Variants in VPS13C observed in about 807,000 individuals in gnomAD.
VPS13C encodes vacuolar protein sorting 13 homolog C.
A neutral mutation model predicts 456.8 loss-of-function variants in VPS13C; 358 were observed. The observed-to-expected ratio is 0.78, with a 90% CI of 0.72 to 0.86. VPS13C has a LOEUF of 0.86. Among genes scored for constraint, VPS13C ranks in the 40% least tolerant of loss-of-function variants. The pLI is 0.00. For synonymous variants in VPS13C, 1,578 were observed against 1,486.7 expected (o/e 1.06, Z -1.41); for missense variants, 4,818 against 4,385.4 (o/e 1.10, Z -2.79).
chr15:62,002,111 T>C (rs1596459380), intron 15 of VPS13C, among the ~76,000 whole-genome samples: 1 of 152,322 alleles, frequency 6.6e-6, no homozygotes, highest in African/African-American at 2.4e-5. Context: ...TCCACAATGG[T>C]TGAACTAGTT....
Position 61,915,868 on chromosome 15 carries a change from A to G in VPS13C, c.8210T>C (p.Phe2737Ser). The change falls in exon 61 of 85, where the codon TTT becomes TCT. Residue 2737 changes from phenylalanine (F) to serine (S), a missense_variant. By Grantham distance (155) the Phe-to-Ser change is radical. Coordinates refer to ENST00000644861, the MANE Select transcript of VPS13C (RefSeq NM_020821.3). ...FRIRDTLPEF[F>S]PVCFSSDSTE... is the part of the protein sequence containing the mutation. ...GGAGTCAGAAGAAAAACACACAGGA[A>G]AGAATTCTGGTAGTGTATCACGTAT... The G allele has an allele frequency of 1.2e-6, 2 of 1,614,016 alleles. No homozygotes were observed. The highest frequency in any genetic ancestry group is 1.7e-6 in the Non-Finnish European group (2 of 1,180,010).
chr15:62,021,898 A>G (rs1212982337), intron 8 of VPS13C, among the ~76,000 whole-genome samples: 1 of 151,948 alleles, frequency 6.6e-6, no homozygotes, highest in Non-Finnish European at 1.5e-5. Flanking sequence ...AACCACAGCT[A>G]TTATCCAGTG....
At chr15:61,903,167 AAAAAAC>A (rs3055608) in intron 66 of VPS13C, among the ~76,000 whole-genome samples, 1 of 151,994 alleles carries the variant, frequency 6.6e-6, no homozygotes, top group Non-Finnish European at 1.5e-5. Flanking sequence ...CTCTACAGAA[AAAAAAC>A]AAAAACAAAA....
intron 81 of VPS13C, chr15:61,866,589 G>A (rs1315997184): frequency 1.0e-6 from 1 of 984,948 alleles, no homozygotes; most frequent in Admixed American, 6.2e-5. Context: ...ATTTGTGCTT[G>A]ACTCTCCTAG....
At chr15:61,983,528 A>T (rs1342254971) in intron 20 of VPS13C, among the ~76,000 whole-genome samples, 1 of 152,262 alleles carries the variant, frequency 6.6e-6, no homozygotes, top group Non-Finnish European at 1.5e-5. Context: ...TAAACGTGTA[A>T]CAATTTGGAA....
intron 77 of VPS13C, among the ~76,000 whole-genome samples, chr15:61,873,959 T>TACACACACACACACAC (rs67985179): frequency 2.4e-4 from 36 of 149,846 alleles, no homozygotes; most frequent in African/African-American, 7.4e-4. Flanking sequence ...GAAAATGTGA[T>TACACACACACACACAC]ACACACACAC....
intron 16 of VPS13C, among the ~76,000 whole-genome samples, chr15:61,995,923 G>A (rs2046368731): frequency 6.6e-6 from 1 of 152,148 alleles, no homozygotes; most frequent in African/African-American, 2.4e-5. Flanking sequence ...ACATGGCTCT[G>A]CCCTGAGCAA....
chr15:61,936,017 G>T (rs890181764), intron 48 of VPS13C, among the ~76,000 whole-genome samples: 1 of 152,048 alleles, frequency 6.6e-6, no homozygotes. Flanking sequence ...TATGAAAAAA[G>T]AGTGAAATTA....
At chr15:61,973,394 T>C (rs2045612923) in intron 26 of VPS13C, 60 bp downstream of exon 26, 2 of 1,378,540 alleles carry the variant, frequency 1.5e-6, no homozygotes, top group South Asian at 2.5e-5. Context: ...GAAAATGTTA[T>C]CTCTGTATAA....
intron 75 of VPS13C, 77 bp from the exon 76 acceptor site, chr15:61,875,922 A>G: frequency 1.0e-6 from 1 of 977,030 alleles, no homozygotes. Context: ...AAAAAAAGAG[A>G]TTTACTGATA....
chr15:62,021,830 C>T (rs1296775802), intron 8 of VPS13C, among the ~76,000 whole-genome samples: 1 of 151,776 alleles, frequency 6.6e-6, no homozygotes. Context: ...CAGCTCTTTC[C>T]GAAGAAACTC....
intron 37 of VPS13C, among the ~76,000 whole-genome samples, chr15:61,956,712 C>T (rs12910541): frequency 0.52 from 79,511 of 151,884 alleles, 21,169 homozygotes; most frequent in Middle Eastern, 0.7. Context: ...TCACCTTCAC[C>T]AGTAATCAAA....
chr15:61,884,132 A>C lies in VPS13C; in HGVS notation c.9479T>G (p.Phe3160Cys). Residue 3160 changes from phenylalanine to cysteine, a missense_variant, in exon 68 of 85, where the codon TTT (phenylalanine) becomes TGT (cysteine). Physicochemically the swap from Phe to Cys is radical, Grantham distance 205. This residue lies in a region of VPS13C where 4,552 missense variants were observed against 4,130.6 expected (regional missense o/e 1.10). Coordinates refer to ENST00000644861, the MANE Select transcript of VPS13C (RefSeq NM_020821.3). Reference protein sequence around the residue: ...DHGWIKLDNNFEVNFDKDPME... With the variant: ...DHGWIKLDNNCEVNFDKDPME... ...AACAAAAGAATTTTGGTATACCTCA[A>C]AATTATTATCTAGCTTAATCCAGCC... 6.3e-7 allele frequency: 1 copy of C among 1,580,792 alleles called. No homozygotes were observed. Among genetic ancestry groups the C allele is most frequent in the Non-Finnish European group, 8.6e-7 (1 of 1,169,574 alleles).
intron 68 of VPS13C, 42 bp from the exon 69 acceptor site, chr15:61,882,778 C>CACAGT: frequency 6.6e-7 from 1 of 1,504,752 alleles, no homozygotes; most frequent in Non-Finnish European, 8.8e-7. Flanking sequence ...CTGATATTAG[C>CACAGT]ACAGTAGCTA....
chr15:62,021,824 T>C (rs987507181), intron 8 of VPS13C, among the ~76,000 whole-genome samples: 2 of 151,904 alleles, frequency 1.3e-5, no homozygotes, highest in African/African-American at 4.8e-5. Flanking sequence ...AACCTGCAGC[T>C]CTTTCCGAAG....
chr15:62,013,385 T>C (rs34173668), intron 10 of VPS13C, among the ~76,000 whole-genome samples: 8,916 of 151,852 alleles, frequency 0.059, 331 homozygotes, highest in Non-Finnish European at 0.083. Flanking sequence ...ATTCAGAAAT[T>C]AGTATTTAAC....
chr15:61,944,479 T>C lies in VPS13C; in HGVS notation c.5148+1236A>G, dbSNP rs1205999769. 4.6e-5 allele frequency among the ~76,000 whole-genome samples: 7 copies of C among 152,130 alleles called. No homozygotes were observed. In the South Asian group the frequency reaches 8.3e-4, roughly 18 times the overall value. The stretch of plus-strand genomic sequence containing the variant: ...TAAAAAAAGAATGAAATCATGTCCT[T>C]TGCAGCAACATGAATGCAGCTGGAG... On this transcript the variant is annotated intron_variant, in intron 45 of 84. Transcript: ENST00000644861.
intron 6 of VPS13C, among the ~76,000 whole-genome samples, chr15:62,025,909 C>T (rs1382848195): frequency 1.3e-5 from 2 of 151,102 alleles, no homozygotes; most frequent in Non-Finnish European, 3.0e-5. Context: ...TAAAAATAGG[C>T]CATTACATAA....
At chr15:62,018,603 A>G (rs2047343164) in intron 9 of VPS13C, among the ~76,000 whole-genome samples, 1 of 151,756 alleles carries the variant, frequency 6.6e-6, no homozygotes, top group African/African-American at 2.4e-5. Context: ...TGATTTGCGT[A>G]TGTTGAACCA....
Sources: gnomAD v4.1 joint callset for allele counts (sites outside exome capture counted in the v4.1 genomes callset) on GRCh38, gnomAD v4.1.1 for gene constraint, gnomAD v4.1.1 regional missense constraint, MANE v1.5 for transcripts, NCBI Gene and HGNC (gene_info 2026-07-23, HGNC 2026-07-21) for gene names.